Variants in SPG11 observed in about 807,000 individuals in gnomAD.
SPG11 encodes the protein SPG11 vesicle trafficking associated, spatacsin.
A neutral mutation model predicts 274.0 loss-of-function variants in SPG11; 222 were observed. That is an observed-to-expected ratio of 0.81 (90% CI 0.73 to 0.91). SPG11 has a LOEUF of 0.91. Among genes scored for constraint, SPG11 ranks in the 40% least tolerant of loss-of-function variants. The pLI, the probability that SPG11 is intolerant of heterozygous loss-of-function variation, is 0.00. For synonymous variants in SPG11, 1,144 were observed against 1,039.7 expected (o/e 1.10, Z -1.93); for missense variants, 3,114 against 2,872.7 (o/e 1.08, Z -1.92).
rs191304346 is a variant in SPG11, at chr15:44,610,191, C to T, written c.3291+649G>A. 6.9e-4 allele frequency among the ~76,000 whole-genome samples: 105 copies of T among 151,448 alleles called. 2 individuals carry two copies. Among genetic ancestry groups the T allele is most frequent in the South Asian group, 1.9e-3 (9 of 4,786 alleles). On this transcript the variant is annotated intron_variant, in intron 18 of 39. Coordinates refer to ENST00000261866, the MANE Select transcript of SPG11 (RefSeq NM_025137.4). ...GTGCTGGGATTACAGGTGTGAGCCACCGCACTCGGTCATGCCCAGCTAATT... is the reference window on the plus strand; with the variant it reads ...GTGCTGGGATTACAGGTGTGAGCCATCGCACTCGGTCATGCCCAGCTAATT...
At chr15:44,632,171 T>C (rs960953033) in intron 8 of SPG11, among the ~76,000 whole-genome samples, 4 of 152,104 alleles carry the variant, frequency 2.6e-5, no homozygotes, top group African/African-American at 9.7e-5. Context: ...TGATTGAAGA[T>C]TGAAACTGGA....
intron 28 of SPG11, among the ~76,000 whole-genome samples, chr15:44,587,498 G>A (rs1327367796): frequency 1.3e-5 from 2 of 152,002 alleles, no homozygotes; most frequent in Non-Finnish European, 2.9e-5. Flanking sequence ...GGGACTAGCT[G>A]GGCAACGTGG....
rs2083790549 is a variant in SPG11 at position 44,622,795 on chromosome 15, A to C, written c.2249T>G (p.Phe750Cys). ...CTTGAGCAATTGGCCTTTTACATCAAACCCCTAAAATAAACATAGAAAACC... is the reference window on the plus strand; with the variant it reads ...CTTGAGCAATTGGCCTTTTACATCACACCCCTAAAATAAACATAGAAAACC... ...EASELLKNMGFDVKGQLLKIC... is the reference protein window; with the variant it reads ...EASELLKNMGCDVKGQLLKIC... The change falls in exon 12 of 40, where the codon TTT becomes TGT. Residue 750 changes from phenylalanine to cysteine, a missense_variant. Physicochemically the swap from Phe to Cys is radical, Grantham distance 205 (BLOSUM62 -2). Transcript: ENST00000261866. The C allele has an allele frequency of 6.2e-7, 1 of 1,613,368 alleles. No individual in the cohort carries two copies. Among genetic ancestry groups the C allele is most frequent in the Non-Finnish European group, 8.5e-7 (1 of 1,179,404 alleles).
chr15:44,628,943 G>T (rs1195057021), intron 9 of SPG11, 99 bp from the exon 10 acceptor site: 8 of 1,261,894 alleles, frequency 6.3e-6, no homozygotes, highest in Non-Finnish European at 9.1e-6. Context: ...TTCAAACTTG[G>T]TATTTTTAAA....
chr15:44,628,578 G>A, intron 10 of SPG11, 91 bp downstream of exon 10: 1 of 1,198,048 alleles, frequency 8.3e-7, no homozygotes, highest in Non-Finnish European at 1.2e-6. Context: ...TGAATCACAA[G>A]TATATAGAGT....
At chr15:44,585,886 A>C (rs2082751902) in intron 28 of SPG11, 36 bp from the exon 29 acceptor site, 3 of 1,575,870 alleles carry the variant, frequency 1.9e-6, no homozygotes, top group Non-Finnish European at 2.6e-6. Context: ...ACATTTAGTC[A>C]ATAAAATGCC....
chr15:44,622,563 A>G (rs2083783311), intron 12 of SPG11, 165 bp downstream of exon 12: 2 of 749,850 alleles, frequency 2.7e-6, no homozygotes, highest in East Asian at 5.3e-5. Context: ...TAGTCATTGA[A>G]GAAAGATGAA....
intron 20 of SPG11, chr15:44,604,258 C>A: frequency 2.9e-6 from 1 of 350,330 alleles, no homozygotes; most frequent in Non-Finnish European, 5.7e-6. Context: ...AAAGGTCTTA[C>A]CTGAAAGTAC....
intron 20 of SPG11, among the ~76,000 whole-genome samples, chr15:44,601,843 G>C (rs1484966043): frequency 6.6e-6 from 1 of 152,104 alleles, no homozygotes; most frequent in Non-Finnish European, 1.5e-5. Flanking sequence ...ACAGGCATGA[G>C]CGTGAGCCAC....
chr15:44,576,473 C>T (rs2082540855), intron 30 of SPG11, among the ~76,000 whole-genome samples: 1 of 151,434 alleles, frequency 6.6e-6, no homozygotes, highest in Non-Finnish European at 1.5e-5. Context: ...ACGGTGAAAC[C>T]CCGTCTCTAC....
chr15:44,638,344 T>C (rs1317693396), intron 7 of SPG11, among the ~76,000 whole-genome samples: 1 of 151,990 alleles, frequency 6.6e-6, no homozygotes, highest in African/African-American at 2.4e-5. Flanking sequence ...CCTGTAATCC[T>C]AGCTACTCAA....
chr15:44,660,500 C>T lies in SPG11; in HGVS notation c.374G>A (p.Cys125Tyr), dbSNP rs1159881423. Residue 125 changes from cysteine to tyrosine, a missense_variant, in exon 2 of 40, where the codon TGT becomes TAT. Transcript: ENST00000261866. ...IYEFNLKDGRCDATILYSCSR... is the reference protein window; with the variant it reads ...IYEFNLKDGRYDATILYSCSR... ...ACAGCTATACAAAATGGTTGCATCA[C>T]ATCTTCCATCTTTCAAATTAAATTC... 8.1e-6 allele frequency: 13 copies of T among 1,614,044 alleles called. No individual in the cohort carries two copies. Among genetic ancestry groups the T allele is most frequent in the Admixed American group, 6.7e-5 (4 of 60,010 alleles).
At chr15:44,615,888 G>A (rs1399759411) in intron 15 of SPG11, among the ~76,000 whole-genome samples, 1 of 152,132 alleles carries the variant, frequency 6.6e-6, no homozygotes, top group Non-Finnish European at 1.5e-5. Context: ...CTTGAAGCTA[G>A]ATGCTCTAAG....
rs112899684 is a variant in SPG11 at position 44,620,431 on chromosome 15, T to C, written c.2621-28A>G. 1,653 of 1,463,574 alleles carry C rather than the reference T, an allele frequency of 1.1e-3. 19 individuals are homozygous for C. In the African/African-American group the frequency reaches 0.02, roughly 18 times the overall value. The allele number at this position is 1,463,574 out of a possible 1,614,324, so 90.7% of individuals were successfully genotyped here. A position where few individuals can be genotyped will look rare whatever the true frequency, so the allele number is the denominator to read the frequency against. Reference sequence around the variant, plus strand: ...ACATGAAAAAAAACACATTTTAAAATATAATTAATTATGTCTATTGACATG... The same window carrying C: ...ACATGAAAAAAAACACATTTTAAAACATAATTAATTATGTCTATTGACATG... On this transcript the variant is annotated intron_variant, in intron 14 of 39. Transcript: ENST00000261866.
chr15:44,636,955 A>C (rs1567180614), intron 7 of SPG11, among the ~76,000 whole-genome samples: 11 of 126,698 alleles, frequency 8.7e-5, no homozygotes, highest in Admixed American at 1.5e-4. Context: ...AAAAAAAAAA[A>C]AACAAAAAAA....
intron 30 of SPG11, among the ~76,000 whole-genome samples, chr15:44,581,706 C>T (rs1455226591): frequency 6.6e-6 from 1 of 151,604 alleles, no homozygotes; most frequent in Non-Finnish European, 1.5e-5. Flanking sequence ...GCAAAAACCT[C>T]ATTGTTTAAT....
rs758689364 is a variant in SPG11, at chr15:44,649,017, G to A, written c.1457-6C>T. 1 of 1,610,152 alleles carries A rather than the reference G, an allele frequency of 6.2e-7. No individual in the cohort carries two copies. Among genetic ancestry groups the A allele is most frequent in the Non-Finnish European group, 8.5e-7 (1 of 1,176,706 alleles). On this transcript the variant is annotated splice_region_variant and splice_polypyrimidine_tract_variant and intron_variant, in intron 6 of 39. Coordinates refer to ENST00000261866, the MANE Select transcript of SPG11 (RefSeq NM_025137.4). ...AATCAGAGAGAGTCCATTCTCTATAGGAAAAATAAAAGTTAGCTTTAACAA... is the reference window on the plus strand; with the variant it reads ...AATCAGAGAGAGTCCATTCTCTATAAGAAAAATAAAAGTTAGCTTTAACAA...
chr15:44,587,437 C>A (rs1411445479), intron 28 of SPG11, among the ~76,000 whole-genome samples: 1 of 152,140 alleles, frequency 6.6e-6, no homozygotes, highest in Non-Finnish European at 1.5e-5. Context: ...TGCTTGTAAT[C>A]CCAGCACCAT....
chr15:44,598,808 C>G lies in SPG11; in HGVS notation c.3715G>C (p.Val1239Leu), dbSNP rs1298619684. Reference sequence around the variant, plus strand: ...ATGTGGAAGGAGGAGAGCCCTATAACATAGGCTTCATTGCCTACTTGCTGG... The same window carrying G: ...ATGTGGAAGGAGGAGAGCCCTATAAGATAGGCTTCATTGCCTACTTGCTGG... ...LIQQVGNEAY[V>L]IGLSSFHIPS... The change falls in exon 22 of 40, where the codon GTT becomes CTT. Residue 1239 changes from valine (V) to leucine (L), a missense_variant. Transcript: ENST00000261866. 2 of 1,614,198 alleles carry G rather than the reference C, an allele frequency of 1.2e-6. No individual in the cohort carries two copies. The highest frequency in any genetic ancestry group is 1.7e-6 in the Non-Finnish European group (2 of 1,180,018).
Sources: allele counts gnomAD v4.1 joint callset (sites outside exome capture counted in the v4.1 genomes callset), GRCh38; gene constraint gnomAD v4.1.1; transcripts MANE v1.5; gene names NCBI Gene and HGNC (gene_info 2026-07-23, HGNC 2026-07-21).